The following AK5 variants were observed in gnomAD, a reference collection of about 807,000 sequenced individuals.
AK5 encodes adenylate kinase isoenzyme 5.
AK5 carries 27 observed loss-of-function variants against 69.5 expected under a neutral mutation model. The observed-to-expected ratio is 0.39, with a 90% CI of 0.29 to 0.54. The LOEUF (loss-of-function observed/expected upper bound fraction) is 0.54, where lower values mean the gene tolerates loss of function less well. Among genes scored for constraint, AK5 ranks in the 20% least tolerant of loss-of-function variants. AK5 has a pLI of 0.71. For missense variants in AK5, 531 were observed against 700.4 expected (o/e 0.76, Z 2.73); for synonymous variants, 260 against 244.4 (o/e 1.06, Z -0.60).
chr1:77,414,973 T>C (rs74092612), intron 7 of AK5, among the ~76,000 whole-genome samples: 2,287 of 152,242 alleles, frequency 0.015, 64 homozygotes, highest in African/African-American at 0.052. Context: ...ATGATATCCT[T>C]TGTCTGTTGC....
chr1:77,421,193 C>T (rs557308272), intron 8 of AK5, among the ~76,000 whole-genome samples: 3 of 152,304 alleles, frequency 2.0e-5, no homozygotes, highest in East Asian at 3.9e-4. Flanking sequence ...ATTTCTAGAG[C>T]TTTTAATACT....
intron 2 of AK5, among the ~76,000 whole-genome samples, chr1:77,290,814 C>T (rs1658645607): frequency 6.6e-6 from 1 of 152,158 alleles, no homozygotes. Flanking sequence ...TCTTTTAGGA[C>T]TGAAAATACA....
intron 2 of AK5, among the ~76,000 whole-genome samples, chr1:77,291,241 A>G (rs1455123778): frequency 1.3e-5 from 2 of 152,134 alleles, no homozygotes; most frequent in African/African-American, 4.8e-5. Context: ...AAACCTGGAA[A>G]TTGTTTTTGA....
chr1:77,523,883 C>G (rs530059569), intron 12 of AK5, among the ~76,000 whole-genome samples: 12 of 152,192 alleles, frequency 7.9e-5, no homozygotes, highest in Admixed American at 7.8e-4. Flanking sequence ...AAGGGCTGGA[C>G]TTGAACTCCT....
chr1:77,530,391 C>A (rs946752024), intron 12 of AK5, among the ~76,000 whole-genome samples: 1 of 152,230 alleles, frequency 6.6e-6, no homozygotes, highest in African/African-American at 2.4e-5. Flanking sequence ...AGGGGACATA[C>A]CTCAAGGTGA....
In AK5 at chr1:77,493,332, C is replaced by CA. The variant is rs555503166; in HGVS notation, c.1147+6980_1147+6981insA. Among the ~76,000 whole-genome samples the CA allele has an allele frequency of 6.6e-5, 10 of 151,778 alleles. No individual in the cohort carries two copies. In the South Asian group the frequency reaches 2.1e-3, roughly 32 times the overall value. Reference sequence around the variant, plus strand: ...TCCTGCCCTTGGACACCAGCAGCCCCCCCCAGGTTCTCAGGCCTTTGGACT... The same window carrying CA: ...TCCTGCCCTTGGACACCAGCAGCCCCACCCCAGGTTCTCAGGCCTTTGGACT... On this transcript the variant is annotated intron_variant, in intron 10 of 13. Transcript: ENST00000354567.
chr1:77,439,852 A>G (rs1272704959), intron 8 of AK5, among the ~76,000 whole-genome samples: 1 of 151,838 alleles, frequency 6.6e-6, no homozygotes, highest in East Asian at 1.9e-4. Context: ...TTATTCATTC[A>G]TCCATTGATG....
chr1:77,289,758 G>C (rs574512191), intron 2 of AK5, among the ~76,000 whole-genome samples: 2 of 151,348 alleles, frequency 1.3e-5, no homozygotes, highest in Non-Finnish European at 1.5e-5. Context: ...AGCTACTCGG[G>C]AGGCTGAGGC....
chr1:77,458,120 A>G (rs1025856669), intron 8 of AK5, among the ~76,000 whole-genome samples: 3 of 151,662 alleles, frequency 2.0e-5, no homozygotes, highest in Non-Finnish European at 4.4e-5. Flanking sequence ...AAAAAAAAAA[A>G]AAGGGCAAAA....
intron 12 of AK5, among the ~76,000 whole-genome samples, chr1:77,531,782 G>C (rs1315139055): frequency 6.6e-6 from 1 of 151,804 alleles, no homozygotes; most frequent in Non-Finnish European, 1.5e-5. Flanking sequence ...AGGGTGGATG[G>C]GACTGGGCGC....
intron 8 of AK5, among the ~76,000 whole-genome samples, chr1:77,454,567 A>G (rs192696035): frequency 1.8e-3 from 271 of 152,362 alleles, no homozygotes; most frequent in Non-Finnish European, 3.0e-3. Flanking sequence ...ACCAGACCAT[A>G]GCTATTTTGT....
intron 8 of AK5, 144 bp from the exon 9 acceptor site, chr1:77,483,173 T>A (rs1044930180): frequency 6.2e-5 from 40 of 650,324 alleles, no homozygotes; most frequent in Middle Eastern, 5.5e-4. Context: ...AGTGTCTTTG[T>A]CTGTAAAATA....
chr1:77,337,965 A>T (rs2815328), intron 5 of AK5, among the ~76,000 whole-genome samples: 55,417 of 144,864 alleles, frequency 0.38, 11,433 homozygotes, highest in Admixed American at 0.43. Context: ...TTTTCTTTTT[A>T]TTTTTTTTTT....
intron 8 of AK5, among the ~76,000 whole-genome samples, chr1:77,474,242 T>A (rs1251629916): frequency 6.6e-6 from 1 of 152,214 alleles, no homozygotes; most frequent in Non-Finnish European, 1.5e-5. Flanking sequence ...CTCAGGCTGG[T>A]AGACTCAGAG....
intron 8 of AK5, among the ~76,000 whole-genome samples, chr1:77,469,821 T>A (rs1003421572): frequency 7.9e-5 from 12 of 152,172 alleles, no homozygotes; most frequent in Admixed American, 6.5e-4. Context: ...TCTTCCTCAT[T>A]CTATTGGCTG....
chr1:77,367,656 A>ATGT (rs1557533250), intron 6 of AK5, among the ~76,000 whole-genome samples: 1 of 91,000 alleles, frequency 1.1e-5, no homozygotes, highest in Non-Finnish European at 2.0e-5. Flanking sequence ...TATATATGTT[A>ATGT]TATATATGTT....
intron 8 of AK5, among the ~76,000 whole-genome samples, chr1:77,443,710 T>TGTG (rs1165061947): frequency 2.0e-5 from 3 of 151,588 alleles, no homozygotes; most frequent in Non-Finnish European, 4.4e-5. Context: ...TGTGTGTGTG[T>TGTG]GTGTGTGTGT....
intron 1 of AK5, among the ~76,000 whole-genome samples, chr1:77,285,135 A>G (rs770071775): frequency 6.6e-6 from 1 of 152,244 alleles, no homozygotes; most frequent in Non-Finnish European, 1.5e-5. Context: ...TCTCTGAGCC[A>G]TGATTTCCTA....
intron 12 of AK5, among the ~76,000 whole-genome samples, chr1:77,529,221 A>T (rs1658441612): frequency 6.6e-6 from 1 of 152,092 alleles, no homozygotes; most frequent in African/African-American, 2.4e-5. Flanking sequence ...AGGAATAGTA[A>T]TTATTTTTTG....
Sources: allele counts gnomAD v4.1 joint callset (sites outside exome capture counted in the v4.1 genomes callset), GRCh38; gene constraint gnomAD v4.1.1; transcripts MANE v1.5; gene names NCBI Gene and HGNC (gene_info 2026-07-23, HGNC 2026-07-21).